Variants in CDH13 observed in about 807,000 individuals in gnomAD.
The protein encoded by CDH13 is cadherin-13.
A neutral mutation model predicts 63.8 loss-of-function variants in CDH13; 24 were observed. The ratio of observed to expected loss-of-function variants is 0.38; its 90% CI spans 0.27 to 0.53. The LOEUF (loss-of-function observed/expected upper bound fraction) is 0.53. Among genes scored for constraint, CDH13 ranks in the 20% least tolerant of loss-of-function variants. The pLI is 0.85. For synonymous variants in CDH13, 503 were observed against 355.3 expected (o/e 1.42, Z -4.67); for missense variants, 1,049 against 903.1 (o/e 1.16, Z -2.07).
chr16:82,926,122 T>C (rs1355432913), intron 2 of CDH13: 1 of 152,172 alleles, frequency 6.6e-6, no homozygotes, highest in Non-Finnish European at 1.5e-5. Context: ...AGGCCAGGGA[T>C]TCCTAACTTT....
intron 10 of CDH13, among the ~76,000 whole-genome samples, chr16:83,739,073 G>T (rs988429808): frequency 1.3e-5 from 2 of 152,166 alleles, no homozygotes; most frequent in African/African-American, 4.8e-5. Context: ...CTACAAGGTT[G>T]GCCTCAGCTG....
chr16:83,114,894 A>G (rs2035223054), intron 3 of CDH13, among the ~76,000 whole-genome samples: 1 of 152,232 alleles, frequency 6.6e-6, no homozygotes, highest in Non-Finnish European at 1.5e-5. Context: ...GCAACTTTGT[A>G]GCACAATGAG....
At chr16:82,635,365 G>C (rs1479104103) in intron 1 of CDH13, among the ~76,000 whole-genome samples, 1 of 152,216 alleles carries the variant, frequency 6.6e-6, no homozygotes, top group Non-Finnish European at 1.5e-5. Flanking sequence ...AGAGGGTGTG[G>C]GTGGGGAAAG....
intron 5 of CDH13, among the ~76,000 whole-genome samples, chr16:83,319,742 G>A (rs762221566): frequency 1.9e-4 from 29 of 152,216 alleles, no homozygotes; most frequent in African/African-American, 6.5e-4. Context: ...GAAGACAGGT[G>A]ACAAGAAAGG....
intron 2 of CDH13, among the ~76,000 whole-genome samples, chr16:82,889,731 T>G (rs367580326): frequency 6.6e-6 from 1 of 152,214 alleles, no homozygotes; most frequent in East Asian, 1.9e-4. Context: ...TTAATATTAT[T>G]GTAGAAAGAA....
rs2034586913 is a variant in CDH13 at position 82,755,689 on chromosome 16, CA to C, written c.46-102672del. Among the ~76,000 whole-genome samples the C allele has an allele frequency of 2.6e-5, 4 of 152,310 alleles. No individual in the cohort carries two copies. The South Asian group carries it at 8.3e-4, about 32-fold the overall frequency. On this transcript the variant is annotated intron_variant, in intron 1 of 13. Coordinates refer to ENST00000567109, the MANE Select transcript of CDH13 (RefSeq NM_001257.5). The stretch of plus-strand genomic sequence containing the variant: ...TACTGATAATTAAAACTGTTAAAAT[CA>C]CTGACGTCAAGGTCTATGAGCAAAA...
chr16:83,042,542 T>G (rs191093259), intron 3 of CDH13, among the ~76,000 whole-genome samples: 1 of 152,288 alleles, frequency 6.6e-6, no homozygotes, highest in East Asian at 1.9e-4. Context: ...ATATTACAAT[T>G]AACTAATAAT....
intron 10 of CDH13, among the ~76,000 whole-genome samples, chr16:83,689,484 A>T (rs1904634266): frequency 6.6e-6 from 1 of 152,258 alleles, no homozygotes; most frequent in Admixed American, 6.5e-5. Context: ...TTATCATGGC[A>T]TTAACCCTAA....
Position 83,742,120 on chromosome 16 carries a change from A to G in CDH13, c.1539-5988A>G, listed in dbSNP as rs150177571. Among the ~76,000 whole-genome samples the G allele has an allele frequency of 2.1e-4, 32 of 152,310 alleles. No homozygotes were observed. The East Asian group carries it at 6.0e-3, about 28-fold the overall frequency. On this transcript the variant is annotated intron_variant, in intron 10 of 13. Transcript: ENST00000567109. ...TCTTTCACCTTCCCACCAATACTTG[A>G]GCCCCTGAGGGCAGAGGCTGGCAGC...
intron 3 of CDH13, among the ~76,000 whole-genome samples, chr16:83,093,482 C>G (rs752465435): frequency 2.0e-5 from 3 of 151,592 alleles, no homozygotes; most frequent in Non-Finnish European, 4.4e-5. Context: ...CCATGCCTGG[C>G]TAATTTTTTG....
chr16:83,349,454 T>C (rs1403419252), intron 6 of CDH13, among the ~76,000 whole-genome samples: 3 of 152,116 alleles, frequency 2.0e-5, no homozygotes, highest in Non-Finnish European at 4.4e-5. Flanking sequence ...AGGAATGGCA[T>C]GTCAGGCTCC....
At chr16:83,709,267 G>A (rs7197484) in intron 10 of CDH13, among the ~76,000 whole-genome samples, 42,635 of 152,024 alleles carry the variant, frequency 0.28, 6,360 homozygotes, top group Middle Eastern at 0.46. Context: ...TGACTTGTGG[G>A]ACTATAAGAA....
intron 5 of CDH13, among the ~76,000 whole-genome samples, chr16:83,316,705 C>T (rs1345586832): frequency 1.3e-5 from 2 of 152,196 alleles, no homozygotes; most frequent in African/African-American, 2.4e-5. Context: ...GCTGCGAGTG[C>T]CCACACTCTG....
chr16:83,230,725 A>G (rs2039978119), intron 5 of CDH13, among the ~76,000 whole-genome samples: 1 of 152,110 alleles, frequency 6.6e-6, no homozygotes, highest in Non-Finnish European at 1.5e-5. Context: ...AGGTGGAGGT[A>G]GTGGTGAGCC....
At chr16:83,385,777 A>G (rs2091661530) in intron 6 of CDH13, among the ~76,000 whole-genome samples, 1 of 152,168 alleles carries the variant, frequency 6.6e-6, no homozygotes, top group Admixed American at 6.5e-5. Flanking sequence ...CACCAAATGG[A>G]ATCTTTGGTG....
At chr16:82,889,300 A>G (rs377226065) in intron 2 of CDH13, among the ~76,000 whole-genome samples, 1 of 149,804 alleles carries the variant, frequency 6.7e-6, no homozygotes, top group African/African-American at 2.5e-5. Context: ...TCTCTCTATT[A>G]TCTCTCTCTC....
intron 10 of CDH13, among the ~76,000 whole-genome samples, chr16:83,689,890 TA>T (rs1244931725): frequency 6.6e-6 from 1 of 152,092 alleles, no homozygotes; most frequent in Non-Finnish European, 1.5e-5. Context: ...CAGAAACAAT[TA>T]AAAATATCTG....
At chr16:83,044,500 A>T (rs1303971171) in intron 3 of CDH13, among the ~76,000 whole-genome samples, 1 of 152,236 alleles carries the variant, frequency 6.6e-6, no homozygotes, top group Non-Finnish European at 1.5e-5. Context: ...TTACAAAAAG[A>T]ACCTTGTGGA....
At chr16:83,535,069 G>A (rs1173890698) in intron 7 of CDH13, among the ~76,000 whole-genome samples, 2 of 152,198 alleles carry the variant, frequency 1.3e-5, no homozygotes, top group African/African-American at 2.4e-5. Flanking sequence ...GGAATTATTA[G>A]GATCAGGATA....
Sources: allele counts gnomAD v4.1 joint callset (sites outside exome capture counted in the v4.1 genomes callset), GRCh38; gene constraint gnomAD v4.1.1; transcripts MANE v1.5; gene names NCBI Gene and HGNC (gene_info 2026-07-23, HGNC 2026-07-21).